Variants in SLC1A6 observed in about 807,000 individuals in gnomAD.
The protein encoded by SLC1A6 is solute carrier family 1 member 6.
A neutral mutation model predicts 42.1 loss-of-function variants in SLC1A6; 15 were observed. The ratio of observed to expected loss-of-function variants is 0.36; its 90% CI spans 0.24 to 0.55. The LOEUF is 0.55. SLC1A6 is among the 20% of genes least tolerant of loss of function. The probability of loss-of-function intolerance (pLI) is 0.88; values close to 1 mark genes in which losing one functional copy is unlikely to be tolerated. For synonymous variants in SLC1A6, 317 were observed against 319.7 expected (o/e 0.99, Z 0.09); for missense variants, 542 against 772.5 (o/e 0.70, Z 3.54).
upstream of SLC1A6, among the ~76,000 whole-genome samples, chr19:14,983,965 G>A (rs2045780608): frequency 6.6e-6 from 1 of 152,002 alleles, no homozygotes; most frequent in Non-Finnish European, 1.5e-5. Context: ...ACTAAATCTT[G>A]TACTTCCCCC....
rs2045616952 is a variant in SLC1A6 at position 14,969,817 on chromosome 19, T to C, written c.344-1310A>G. On this transcript the variant is annotated intron_variant, in intron 3 of 9. Transcript: ENST00000594383. ...ATAAAGTTTTATTGGAACACAACCA[T>C]GCCCATTTGTTCTCATATTGTCTAT... Among the ~76,000 whole-genome samples, 3 of 152,318 alleles carry C rather than the reference T, an allele frequency of 2.0e-5. No homozygotes were observed. The South Asian group carries it at 6.2e-4, about 32-fold the overall frequency.
Position 14,972,725 on chromosome 19 carries a change from C to T in SLC1A6, c.186G>A (p.Thr62=), listed in dbSNP as rs922543739. The change falls in exon 2 of 10, where the codon ACG becomes ACA. Residue 62 remains threonine, a synonymous_variant. Transcript: ENST00000594383. ...GCTCACCAATGACCACGGCGCTGAC[C>T]GTCAGCAGAATGAAGGCGTTTCGGC... ...FLRRNAFILL[T]VSAVVIGVSL... 1.9e-6 allele frequency: 3 copies of T among 1,613,946 alleles called. No individual in the cohort carries two copies. The highest frequency in any genetic ancestry group is 1.6e-4 in the Middle Eastern group (1 of 6,062).
intron 1 of SLC1A6, among the ~76,000 whole-genome samples, chr19:15,000,197 A>G (rs1360459005): frequency 6.6e-6 from 1 of 152,224 alleles, no homozygotes; most frequent in African/African-American, 2.4e-5. Flanking sequence ...ATTTTGACTT[A>G]TGATATTTTC....
chr19:14,956,363 G>A, intron 7 of SLC1A6, 113 bp downstream of exon 7: 1 of 650,918 alleles, frequency 1.5e-6, no homozygotes, highest in East Asian at 2.8e-5. Context: ...GGACATTGTT[G>A]GACGACTCAG....
At chr19:14,968,567 G>A in intron 3 of SLC1A6, 60 bp from the exon 4 acceptor site, 1 of 1,408,362 alleles carries the variant, frequency 7.1e-7, no homozygotes, top group Non-Finnish European at 9.7e-7. Flanking sequence ...AGCTCTCCTA[G>A]CATCCGTTCC....
In SLC1A6 at chr19:14,962,247, C is replaced by T; in HGVS notation, c.690G>A (p.Val230=). The change falls in exon 6 of 10, where the codon GTG becomes GTA. Residue 230 remains valine (V), a synonymous_variant. Coordinates refer to ENST00000594383, the MANE Select transcript of SLC1A6 (RefSeq NM_005071.3). ...PGASMPPPFS[V]ENGTSFLENV... is the part of the protein sequence containing the mutation. ...TTTCCAGGAAGCTGGTTCCGTTCTC[C>T]ACTGAGAATGGAGGAGGCATGGAGG... 1 of 1,614,014 alleles carries T rather than the reference C, an allele frequency of 6.2e-7. No individual in the cohort carries two copies. The highest frequency in any genetic ancestry group is 1.1e-5 in the South Asian group (1 of 91,082).
At chr19:14,960,842 T>G (rs936284147) in intron 6 of SLC1A6, among the ~76,000 whole-genome samples, 2 of 151,954 alleles carry the variant, frequency 1.3e-5, no homozygotes, top group Non-Finnish European at 2.9e-5. Context: ...GTTCAAGAGA[T>G]CTATTGGACA....
intron 9 of SLC1A6, 124 bp from the exon 10 acceptor site, chr19:14,950,514 G>A: frequency 1.7e-6 from 1 of 577,726 alleles, no homozygotes. Flanking sequence ...TACAATCCAT[G>A]ACCACATGTC....
At chr19:14,975,622 C>A (rs2045695886) in intron 1 of SLC1A6, among the ~76,000 whole-genome samples, 1 of 151,678 alleles carries the variant, frequency 6.6e-6, no homozygotes, top group Non-Finnish European at 1.5e-5. Context: ...GGATGTGTCA[C>A]ACGCCTGTAA....
At chr19:14,959,550 TA>T (rs1178863566) in intron 6 of SLC1A6, among the ~76,000 whole-genome samples, 1 of 152,224 alleles carries the variant, frequency 6.6e-6, no homozygotes, top group Non-Finnish European at 1.5e-5. Flanking sequence ...TGTTTCTAAA[TA>T]AACATTTTAC....
At chr19:14,971,624 T>C (rs1459631192) in intron 3 of SLC1A6, 113 bp downstream of exon 3, 4 of 1,050,246 alleles carry the variant, frequency 3.8e-6, no homozygotes, top group African/African-American at 3.2e-5. Context: ...AGGCTCCATG[T>C]TTGAGGTGCC....
At chr19:15,006,316 T>C (rs1360382277) in intron 1 of SLC1A6, among the ~76,000 whole-genome samples, 1 of 152,114 alleles carries the variant, frequency 6.6e-6, no homozygotes. Flanking sequence ...GAATCCTAGT[T>C]CATCTGGATC....
intron 6 of SLC1A6, among the ~76,000 whole-genome samples, chr19:14,960,561 G>A (rs565369320): frequency 4.6e-5 from 7 of 152,306 alleles, no homozygotes; most frequent in African/African-American, 1.7e-4. Flanking sequence ...AGAAAGGTAT[G>A]AATGAATGAA....
At chr19:14,966,870 C>T (rs2045579501) in intron 4 of SLC1A6, among the ~76,000 whole-genome samples, 1 of 151,618 alleles carries the variant, frequency 6.6e-6, no homozygotes, top group South Asian at 2.1e-4. Context: ...ACCCTGGGGC[C>T]TTTTGGGGGC....
At chr19:14,970,960 A>C (rs1306643591) in intron 3 of SLC1A6, among the ~76,000 whole-genome samples, 1 of 151,680 alleles carries the variant, frequency 6.6e-6, no homozygotes, top group African/African-American at 2.4e-5. Context: ...TGAAACCCCA[A>C]CTCTACTAAA....
intron 8 of SLC1A6, 121 bp from the exon 9 acceptor site, chr19:14,953,183 C>A: frequency 1.4e-6 from 1 of 720,200 alleles, no homozygotes; most frequent in South Asian, 1.9e-5. Context: ...ATTAAATACC[C>A]AAGCCAGACA....
chr19:14,951,754 G>A (rs1384782433), intron 9 of SLC1A6, among the ~76,000 whole-genome samples: 1 of 152,058 alleles, frequency 6.6e-6, no homozygotes, highest in Non-Finnish European at 1.5e-5. Context: ...CTGACCTCAG[G>A]TGATCTGCCC....
At chr19:14,952,226 G>A (rs1232126298) in intron 9 of SLC1A6, among the ~76,000 whole-genome samples, 1 of 147,594 alleles carries the variant, frequency 6.8e-6, no homozygotes, top group Non-Finnish European at 1.5e-5. Context: ...GATTGCTTAA[G>A]CTAAGGAGTT....
intron 1 of SLC1A6, among the ~76,000 whole-genome samples, chr19:15,003,660 C>A (rs200679084): frequency 1.1e-3 from 130 of 121,850 alleles, no homozygotes; most frequent in African/African-American, 1.3e-3. Flanking sequence ...CATGTAATGC[C>A]AAAAAAAAAA....
Sources: allele counts gnomAD v4.1 joint callset (sites outside exome capture counted in the v4.1 genomes callset), GRCh38; gene constraint gnomAD v4.1.1; transcripts MANE v1.5; gene names NCBI Gene and HGNC (gene_info 2026-07-23, HGNC 2026-07-21).